The following GIMD1 variants were observed in gnomAD, a reference collection of about 807,000 sequenced individuals.
GIMD1 encodes GIMAP family P-loop NTPase domain containing 1, also known as GTPase IMAP family member GIMD1.
In GIMD1, 14 loss-of-function variants were observed where a neutral mutation model predicts 14.9. That is an observed-to-expected ratio of 0.94 (90% CI 0.62 to 1.47). The LOEUF (loss-of-function observed/expected upper bound fraction) is 1.47. Among genes scored for constraint, GIMD1 ranks in the 40% most tolerant of loss-of-function variants. The pLI, the probability that GIMD1 is intolerant of heterozygous loss-of-function variation, is 0.00. For missense variants in GIMD1, 272 were observed against 255.3 expected (o/e 1.07, Z -0.44); for synonymous variants, 91 against 90.5 (o/e 1.01, Z -0.03).
At chr4:106,358,680 T>A (rs902898002) in intron 2 of GIMD1, among the ~76,000 whole-genome samples, 3 of 151,878 alleles carry the variant, frequency 2.0e-5, no homozygotes, top group African/African-American at 7.2e-5. Flanking sequence ...CTCTTTTATT[T>A]TACTATGATA....
intron 2 of GIMD1, among the ~76,000 whole-genome samples, chr4:106,362,747 C>T (rs186557228): frequency 3.3e-5 from 5 of 152,192 alleles, no homozygotes; most frequent in Non-Finnish European, 2.9e-5. Flanking sequence ...ATACTTTATG[C>T]TATTCCCTTA....
intron 2 of GIMD1, among the ~76,000 whole-genome samples, chr4:106,363,893 G>T (rs990527061): frequency 3.7e-5 from 5 of 136,530 alleles, no homozygotes; most frequent in South Asian, 2.9e-4. Context: ...TGGGGGGGGG[G>T]GGGCGGAAAT....
chr4:106,359,480 T>C (rs1324911997), intron 2 of GIMD1, among the ~76,000 whole-genome samples: 1 of 151,894 alleles, frequency 6.6e-6, no homozygotes, highest in East Asian at 1.9e-4. Flanking sequence ...TTTACATGCG[T>C]TACCTCTTTT....
At chr4:106,359,760 G>A (rs1770587673) in intron 2 of GIMD1, among the ~76,000 whole-genome samples, 1 of 151,534 alleles carries the variant, frequency 6.6e-6, no homozygotes, top group South Asian at 2.1e-4. Context: ...GAGAAAGGAA[G>A]GAAGGAAGGC....
At chr4:106,367,536 A>C in intron 1 of GIMD1, 99 bp from the exon 2 acceptor site, 1 of 1,182,806 alleles carries the variant, frequency 8.5e-7, no homozygotes, top group Non-Finnish European at 1.2e-6. Context: ...GTACGATTTT[A>C]GATTTGTTTT....
chr4:106,368,650 G>T (rs1219210172), intron 1 of GIMD1, 60 bp downstream of exon 1: 2 of 397,660 alleles, frequency 5.0e-6, no homozygotes, highest in South Asian at 1.3e-4. Context: ...CTAAATCAGG[G>T]TGTAATGTTT....
chr4:106,366,926 A>G, intron 2 of GIMD1, 117 bp downstream of exon 2: 1 of 318,980 alleles, frequency 3.1e-6, no homozygotes, highest in Non-Finnish European at 5.1e-6. Context: ...TATGTACTAT[A>G]TTATTATATA....
At position 106,367,162 on chromosome 4, in the gene GIMD1, C is replaced by T; in HGVS notation, c.274G>A (p.Val92Ile). 6.5e-7 allele frequency: 1 copy of T among 1,535,800 alleles called. No individual in the cohort carries two copies. Among genetic ancestry groups the T allele is most frequent in the Non-Finnish European group, 8.7e-7 (1 of 1,146,798 alleles). The change falls in exon 2 of 3, where the codon GTC becomes ATC. Residue 92 changes from valine (V) to isoleucine (I), a missense_variant. By Grantham distance (29) the Val-to-Ile change is conservative. Coordinates refer to ENST00000638719, the MANE Select transcript of GIMD1 (RefSeq NM_001195138.2). Reference protein sequence around the residue: ...RLSKKYVKQEVKEALAHHFGQ... With the variant: ...RLSKKYVKQEIKEALAHHFGQ... The stretch of plus-strand genomic sequence containing the variant: ...AAGTGATGTGCCAGAGCCTCTTTGA[C>T]TTCCTGTTTCACATACTTCTTGCTC...
chr4:106,368,420 A>G (rs1334029321), intron 1 of GIMD1, among the ~76,000 whole-genome samples: 1 of 152,194 alleles, frequency 6.6e-6, no homozygotes, highest in Non-Finnish European at 1.5e-5. Flanking sequence ...TTTTGCCTAG[A>G]TCTTGTAACT....
At chr4:106,365,463 T>C (rs1002497560) in intron 2 of GIMD1, among the ~76,000 whole-genome samples, 1 of 152,054 alleles carries the variant, frequency 6.6e-6, no homozygotes, top group Non-Finnish European at 1.5e-5. Flanking sequence ...CGTAGAAGTA[T>C]CTTTTCTAGT....
chr4:106,358,217 T>C lies in GIMD1; in HGVS notation c.620A>G (p.Lys207Arg), dbSNP rs931373658. The change falls in exon 3 of 3, where the codon AAA becomes AGA. Residue 207 changes from lysine (K) to arginine (R), a missense_variant. Lys to Arg is a conservative substitution (Grantham distance 26, BLOSUM62 2). Transcript: ENST00000638719. Reference protein sequence around the residue: ...KILERIMEFIKENCYQVLTFK With the variant: ...KILERIMEFIRENCYQVLTFK ...TGTAAGAACTTGGTAACAGTTCTCT[T>C]TTATAAATTCCATGATTCTTTCTAA... 1 of 1,510,322 alleles carries C rather than the reference T, an allele frequency of 6.6e-7. No individual in the cohort carries two copies. Among genetic ancestry groups the C allele is most frequent in the African/African-American group, 1.4e-5 (1 of 71,614 alleles). The allele number at this position is 1,510,322 out of a possible 1,614,324, so 93.6% of individuals were successfully genotyped here. A position where few individuals can be genotyped will look rare whatever the true frequency, so the allele number is the denominator to read the frequency against.
At chr4:106,368,208 G>T (rs940655832) in intron 1 of GIMD1, among the ~76,000 whole-genome samples, 4 of 152,042 alleles carry the variant, frequency 2.6e-5, no homozygotes, top group African/African-American at 7.2e-5. Context: ...CAGTTAGAAG[G>T]GGGGAGAATC....
chr4:106,362,226 A>G (rs1770623350), intron 2 of GIMD1, among the ~76,000 whole-genome samples: 2 of 152,114 alleles, frequency 1.3e-5, no homozygotes, highest in Non-Finnish European at 2.9e-5. Flanking sequence ...AACAGAAGAG[A>G]GTGGTTGATT....
At chr4:106,361,162 A>G (rs550504991) in intron 2 of GIMD1, among the ~76,000 whole-genome samples, 112 of 152,064 alleles carry the variant, frequency 7.4e-4, no homozygotes, top group Non-Finnish European at 1.3e-3. Flanking sequence ...TTGAGGGTCT[A>G]CTTTGTTCTA....
Position 106,357,958 on chromosome 4 carries a change from G to A in GIMD1, c.*225C>T. 3 of 402,010 alleles carry A rather than the reference G, an allele frequency of 7.5e-6. No homozygotes were observed. In the South Asian group the frequency reaches 1.0e-4, roughly 14 times the overall value. The allele number at this position is 402,010 out of a possible 1,614,324, so 24.9% of individuals were successfully genotyped here. ...ACACAAATGTACACATTTATGTTGG[G>A]TATACACTTAGGAGTGTAATTGCTA... On this transcript the variant is annotated 3_prime_UTR_variant, in exon 3 of 3. Transcript: ENST00000638719.
intron 1 of GIMD1, among the ~76,000 whole-genome samples, chr4:106,368,037 C>T (rs1331998484): frequency 6.6e-6 from 1 of 152,086 alleles, no homozygotes; most frequent in Admixed American, 6.5e-5. Flanking sequence ...ACTTCTGTTT[C>T]TGCTTACCAA....
chr4:106,357,543 G>A lies in GIMD1; in HGVS notation c.*640C>T, dbSNP rs1045706090. ...CCAAATCAAGAGAACAAAAGAACAT[G>A]ACCAGAATCTCAGAAGCCACATCAA... On this transcript the variant is annotated 3_prime_UTR_variant, in exon 3 of 3. Coordinates refer to ENST00000638719, the MANE Select transcript of GIMD1 (RefSeq NM_001195138.2). 2 of 151,986 alleles carry A rather than the reference G, an allele frequency of 1.3e-5. No homozygotes were observed. Among genetic ancestry groups the A allele is most frequent in the Non-Finnish European group, 2.9e-5 (2 of 67,952 alleles). The allele number at this position is 151,986 out of a possible 1,614,324, so 9.4% of individuals were successfully genotyped here.
At chr4:106,360,274 A>G (rs1579655970) in intron 2 of GIMD1, among the ~76,000 whole-genome samples, 1 of 152,026 alleles carries the variant, frequency 6.6e-6, no homozygotes, top group Non-Finnish European at 1.5e-5. Context: ...ATGTACACCC[A>G]CCATAGAATA....
At chr4:106,365,196 C>G (rs1458883767) in intron 2 of GIMD1, among the ~76,000 whole-genome samples, 2 of 152,162 alleles carry the variant, frequency 1.3e-5, no homozygotes, top group Admixed American at 1.3e-4. Context: ...GCTTGAAATA[C>G]AGGCTTTCAT....
Sources: gnomAD v4.1 joint callset for allele counts (sites outside exome capture counted in the v4.1 genomes callset) on GRCh38, gnomAD v4.1.1 for gene constraint, MANE v1.5 for transcripts, NCBI Gene and HGNC (gene_info 2026-07-23, HGNC 2026-07-21) for gene names.